Variants in MYO1F observed in about 807,000 individuals in gnomAD.
MYO1F encodes the protein unconventional myosin-If.
A neutral mutation model predicts 146.6 loss-of-function variants in MYO1F; 60 were observed. That is an observed-to-expected ratio of 0.41 (90% CI 0.33 to 0.51). The LOEUF (loss-of-function observed/expected upper bound fraction) is 0.51. MYO1F is among the 20% of genes least tolerant of loss of function. The probability of loss-of-function intolerance (pLI) is 0.25; values close to 1 mark genes in which losing one functional copy is unlikely to be tolerated. For missense variants in MYO1F, 1,274 were observed against 1,534.3 expected, an observed-to-expected ratio of 0.83 and a Z score of 2.83; for synonymous variants, 602 against 602.1, an observed-to-expected ratio of 1.00 and a Z score of 0.00.
At chr19:8,567,320 C>A (rs1457342367) in intron 1 of MYO1F, among the ~76,000 whole-genome samples, 1 of 151,974 alleles carries the variant, frequency 6.6e-6, no homozygotes, top group Non-Finnish European at 1.5e-5. Flanking sequence ...CTGCCTCGGC[C>A]TCCCAAAGTG....
intron 12 of MYO1F, among the ~76,000 whole-genome samples, chr19:8,547,531 G>C (rs1395788468): frequency 1.3e-5 from 2 of 151,092 alleles, no homozygotes; most frequent in African/African-American, 4.9e-5. Flanking sequence ...TTGAACTCTG[G>C]AGGCGGAGGT....
chr19:8,537,409 A>G (rs994446040), intron 16 of MYO1F, among the ~76,000 whole-genome samples: 16 of 152,066 alleles, frequency 1.1e-4, no homozygotes, highest in Non-Finnish European at 1.8e-4. Context: ...TTGGGGAGAT[A>G]GGTACCTTGG....
rs564337067 is a variant in MYO1F at position 8,550,569 on chromosome 19, A to C, written c.897T>G (p.Ser299Arg). The C allele has an allele frequency of 6.2e-7, 1 of 1,613,630 alleles. No homozygotes were observed. Among genetic ancestry groups the C allele is most frequent in the East Asian group, 2.2e-5 (1 of 44,852 alleles). The part of the protein sequence containing the change: ...CEDGNYARVE[S>R]VDLLAFPAYL... ...CCTGATACCCACACTCACGGTCCAC[A>C]CTCTCCACTCGGGCGTAATTCCCGT... is the stretch of plus-strand genomic sequence containing the variant. Residue 299 changes from serine to arginine, a missense_variant, in exon 9 of 28, where the codon AGT (serine) becomes AGG (arginine). Ser to Arg is a moderately radical substitution (Grantham distance 110). Transcript: ENST00000644032.
At chr19:8,557,204 G>C (rs1973898129) in intron 1 of MYO1F, among the ~76,000 whole-genome samples, 1 of 152,108 alleles carries the variant, frequency 6.6e-6, no homozygotes, top group Non-Finnish European at 1.5e-5. Flanking sequence ...AGGATCACTT[G>C]AGCCCAGGAT....
chr19:8,535,477 C>T (rs1353130101), intron 19 of MYO1F, among the ~76,000 whole-genome samples: 1 of 151,800 alleles, frequency 6.6e-6, no homozygotes, highest in Non-Finnish European at 1.5e-5. Context: ...ACTATGTTTC[C>T]CAGGCTGGTC....
intron 25 of MYO1F, among the ~76,000 whole-genome samples, chr19:8,524,982 G>C (rs1972205314): frequency 6.6e-6 from 1 of 152,042 alleles, no homozygotes; most frequent in Non-Finnish European, 1.5e-5. Flanking sequence ...CGGGTCACCT[G>C]AGGTCAGGAG....
At position 8,526,916 on chromosome 19, in the gene MYO1F, A is replaced by C. The variant is rs1204345905; in HGVS notation, c.2494T>G (p.Phe832Val). The change falls in exon 23 of 28, where the codon TTC (phenylalanine) becomes GTC (valine). Residue 832 changes from phenylalanine to valine, a missense_variant. Transcript: ENST00000644032. ...TCGGCGGCATCCTCTTGGAGGATGAAGAAGTCGTCCTGTCGCGTGCTGGGG... is the reference window on the plus strand; with the variant it reads ...TCGGCGGCATCCTCTTGGAGGATGACGAAGTCGTCCTGTCGCGTGCTGGGG... ...VSLSTRQDDF[F>V]ILQEDAADSF... 1 of 1,613,992 alleles carries C rather than the reference A, an allele frequency of 6.2e-7. No individual in the cohort carries two copies. The highest frequency in any genetic ancestry group is 1.7e-5 in the Admixed American group (1 of 59,992).
chr19:8,540,119 C>T (rs563516715), intron 15 of MYO1F, 91 bp from the exon 16 acceptor site: 182 of 944,006 alleles, frequency 1.9e-4, no homozygotes, highest in Admixed American at 1.0e-3. Flanking sequence ...AATGCCGCAA[C>T]GCAAAATATG....
intron 1 of MYO1F, among the ~76,000 whole-genome samples, chr19:8,564,123 A>G (rs1010858051): frequency 7.9e-5 from 12 of 152,000 alleles, no homozygotes; most frequent in Admixed American, 1.3e-4. Flanking sequence ...GCTCATGCCT[A>G]TAATCCCAGC....
intron 1 of MYO1F, among the ~76,000 whole-genome samples, chr19:8,575,319 C>T (rs1317952517): frequency 6.6e-6 from 1 of 151,984 alleles, no homozygotes; most frequent in Non-Finnish European, 1.5e-5. Context: ...TCGTGATCTG[C>T]CCGCCTCGGC....
rs1310933496 is a variant in MYO1F at position 8,554,483 on chromosome 19, A to G, written c.320T>C (p.Ile107Thr). ...MLIDCENQCV[I>T]ISGESGAGKT... ...CCCCCAACTCTGTCCATACCTAATGATGACACACTGGTTCTCACAGTCGAT... is the reference window on the plus strand; with the variant it reads ...CCCCCAACTCTGTCCATACCTAATGGTGACACACTGGTTCTCACAGTCGAT... The change falls in exon 4 of 28, where the codon ATC becomes ACC. Residue 107 changes from isoleucine to threonine, a missense_variant. Physicochemically the swap from Ile to Thr is moderately conservative, Grantham distance 89. This residue lies in a region of MYO1F where 900 missense variants were observed against 1,155.1 expected (regional missense o/e 0.78). Coordinates refer to ENST00000644032, the MANE Select transcript of MYO1F (RefSeq NM_012335.4). 2 of 1,608,276 alleles carry G rather than the reference A, an allele frequency of 1.2e-6. No homozygotes were observed. The highest frequency in any genetic ancestry group is 1.7e-6 in the Non-Finnish European group (2 of 1,175,426).
chr19:8,539,671 G>A (rs918337811), intron 16 of MYO1F, among the ~76,000 whole-genome samples: 3 of 152,048 alleles, frequency 2.0e-5, no homozygotes, highest in Non-Finnish European at 2.9e-5. Context: ...TTTAAAAAAT[G>A]GTAAATGACT....
intron 1 of MYO1F, among the ~76,000 whole-genome samples, chr19:8,575,407 T>A (rs1313482563): frequency 1.3e-5 from 2 of 151,880 alleles, no homozygotes; most frequent in Non-Finnish European, 2.9e-5. Flanking sequence ...GCATGCAACC[T>A]GGATCCCTCG....
At chr19:8,575,735 C>T (rs1170762137) in intron 1 of MYO1F, among the ~76,000 whole-genome samples, 1 of 152,060 alleles carries the variant, frequency 6.6e-6, no homozygotes, top group Non-Finnish European at 1.5e-5. Flanking sequence ...TCTCTTCTAT[C>T]ATCCTCTGCG....
At chr19:8,540,664 C>T (rs190907121) in intron 15 of MYO1F, among the ~76,000 whole-genome samples, 311 of 149,508 alleles carry the variant, frequency 2.1e-3, no homozygotes, top group Middle Eastern at 0.01. Context: ...GAGCCGAGAT[C>T]GTGCCACTGC....
At chr19:8,568,430 A>AC (rs2042046946) in intron 1 of MYO1F, among the ~76,000 whole-genome samples, 2 of 151,026 alleles carry the variant, frequency 1.3e-5, no homozygotes, top group African/African-American at 4.9e-5. Context: ...CTCAAAAAAA[A>AC]AAAAAAAAAA....
At chr19:8,529,235 C>T (rs998870971) in intron 21 of MYO1F, among the ~76,000 whole-genome samples, 4 of 152,092 alleles carry the variant, frequency 2.6e-5, no homozygotes, top group Non-Finnish European at 5.9e-5. Context: ...ACATAGGCCT[C>T]TCTAAGGTGA....
At chr19:8,569,670 A>C (rs2042073300) in intron 1 of MYO1F, among the ~76,000 whole-genome samples, 1 of 152,026 alleles carries the variant, frequency 6.6e-6, no homozygotes, top group East Asian at 1.9e-4. Flanking sequence ...AGTACTGTGG[A>C]GAGGTGAGAG....
Position 8,544,367 on chromosome 19 carries a change from G to A in MYO1F, c.1454C>T (p.Ala485Val), listed in dbSNP as rs367720693. 49 of 1,612,970 alleles carry A rather than the reference G, an allele frequency of 3.0e-5. No homozygotes were observed. The highest frequency in any genetic ancestry group is 1.6e-4 in the Middle Eastern group (1 of 6,078). Residue 485 changes from alanine (A) to valine (V), a missense_variant, in exon 14 of 28, where the codon GCG (alanine) becomes GTG (valine). By Grantham distance (64) the Ala-to-Val change is moderately conservative. This residue lies in a region of MYO1F where 900 missense variants were observed against 1,155.1 expected (regional missense o/e 0.78). Transcript: ENST00000644032. ...ADQTLLQKLQ[A>V]AVGTHEHFNS... ...GAAATGCTCGTGGGTCCCCACAGCC[G>A]CCTGCAGCTTCTGCAGCAGTGTCTG...
Sources: gnomAD v4.1 joint callset for allele counts (sites outside exome capture counted in the v4.1 genomes callset) on GRCh38, gnomAD v4.1.1 for gene constraint, gnomAD v4.1.1 regional missense constraint, MANE v1.5 for transcripts, NCBI Gene and HGNC (gene_info 2026-07-23, HGNC 2026-07-21) for gene names.